Variants in FSCN1 observed in about 807,000 individuals in gnomAD.
FSCN1 encodes fascin.
In FSCN1, 10 loss-of-function variants were observed where a neutral mutation model predicts 39.7. The ratio of observed to expected loss-of-function variants is 0.25; its 90% CI spans 0.16 to 0.43. The LOEUF is 0.43. Ranked by LOEUF, FSCN1 falls within the 20% of genes least tolerant of loss-of-function variation. The pLI is 1.00. For synonymous variants in FSCN1, 322 were observed against 320.0 expected, an observed-to-expected ratio of 1.01 and a Z score of -0.07; for missense variants, 525 against 723.8, an observed-to-expected ratio of 0.73 and a Z score of 3.15.
intron 1 of FSCN1, 26 bp downstream of exon 1, chr7:5,593,794 C>T: frequency 6.9e-7 from 1 of 1,442,838 alleles, no homozygotes; most frequent in South Asian, 1.2e-5. Context: ...GCCCCCGCCT[C>T]TCCTGGTCCG....
intron 1 of FSCN1, among the ~76,000 whole-genome samples, chr7:5,596,504 G>A (rs1469972155): frequency 2.6e-5 from 4 of 152,172 alleles, no homozygotes; most frequent in East Asian, 1.9e-4. Context: ...TTGTCCTCCC[G>A]CCATGCCCCA....
chr7:5,605,408 C>G lies in FSCN1; in HGVS notation c.1416C>G (p.Gly472=). Residue 472 remains glycine (G), a synonymous_variant, in exon 5 of 5, where the codon GGC becomes GGG. Coordinates refer to ENST00000382361, the MANE Select transcript of FSCN1 (RefSeq NM_003088.4). The surrounding 1 kb of genome is among the most constrained non-coding windows in gnomAD (Gnocchi z 6.9). The part of the protein sequence containing the change: ...AIKVGGRYLK[G]DHAGVLKASA... ...AGGTGGGCGGGCGCTACCTGAAGGGCGACCACGCAGGCGTCCTGAAGGCCT... is the reference window on the plus strand; with the variant it reads ...AGGTGGGCGGGCGCTACCTGAAGGGGGACCACGCAGGCGTCCTGAAGGCCT... The G allele has an allele frequency of 6.2e-7, 1 of 1,612,708 alleles. No homozygotes were observed. The highest frequency in any genetic ancestry group is 1.1e-5 in the South Asian group (1 of 90,936).
intron 1 of FSCN1, among the ~76,000 whole-genome samples, chr7:5,600,046 G>A (rs1173310554): frequency 6.6e-6 from 1 of 152,184 alleles, no homozygotes; most frequent in Non-Finnish European, 1.5e-5. Flanking sequence ...TGCTGCTGGA[G>A]CCAAACATCC....
chr7:5,605,656 C>T lies in FSCN1; in HGVS notation c.*182C>T, dbSNP rs529449728. On this transcript the variant is annotated 3_prime_UTR_variant, in exon 5 of 5. Coordinates refer to ENST00000382361, the MANE Select transcript of FSCN1 (RefSeq NM_003088.4). This position sits in a 1 kb window ranked among gnomAD's most constrained non-coding sequence, Gnocchi z 6.9. ...CCTATGGACTCCCCACTCTCCCCTC[C>T]GCCCGGGTTCCCTACTCCCCTCGGG... 36 of 588,674 alleles carry T rather than the reference C, an allele frequency of 6.1e-5. No individual in the cohort carries two copies. Among genetic ancestry groups the T allele is most frequent in the African/African-American group, 5.2e-4 (28 of 53,534 alleles). 36.5% of individuals were successfully genotyped at this position (588,674 alleles called of 1,614,324 possible). A position where few individuals can be genotyped will look rare whatever the true frequency, so the allele number is the denominator to read the frequency against.
At chr7:5,596,864 C>T (rs1204741856) in intron 1 of FSCN1, among the ~76,000 whole-genome samples, 1 of 152,126 alleles carries the variant, frequency 6.6e-6, no homozygotes. Flanking sequence ...TTGCAGGAAT[C>T]GACTGGAAAC....
intron 4 of FSCN1, 88 bp downstream of exon 4, chr7:5,604,118 A>G: frequency 2.3e-6 from 3 of 1,279,760 alleles, no homozygotes; most frequent in Admixed American, 2.0e-5. Flanking sequence ...CTGCATCCAC[A>G]CTGGACCCTG....
At position 5,603,158 on chromosome 7, in the gene FSCN1, T is replaced by C; in HGVS notation, c.833-99T>C. The C allele has an allele frequency of 7.3e-7, 1 of 1,376,516 alleles. No homozygotes were observed. Among genetic ancestry groups the C allele is most frequent in the Non-Finnish European group, 1.0e-6 (1 of 993,372 alleles). 85.3% of individuals were successfully genotyped at this position (1,376,516 alleles called of 1,614,324 possible). A position where few individuals can be genotyped will look rare whatever the true frequency, so the allele number is the denominator to read the frequency against. On this transcript the variant is annotated intron_variant, in intron 1 of 4. Coordinates refer to ENST00000382361, the MANE Select transcript of FSCN1 (RefSeq NM_003088.4). The surrounding 1 kb of genome is among the most constrained non-coding windows in gnomAD (Gnocchi z 8.5). ...CTCGGCCGCCCACCCCACCCCGTGG[T>C]GTTACCTTGCGTGTGTAGTTCTGTG...
intron 1 of FSCN1, among the ~76,000 whole-genome samples, chr7:5,602,148 T>C (rs1640236): frequency 0.14 from 21,870 of 151,090 alleles, 1,578 homozygotes; most frequent in South Asian, 0.17. Context: ...TCGGGTGATC[T>C]GCCTGCCTTG....
rs766098918 is a variant in FSCN1, at chr7:5,604,039, T to C, written c.1279+9T>C. 6 of 1,612,018 alleles carry C rather than the reference T, an allele frequency of 3.7e-6. No individual in the cohort carries two copies. In the South Asian group the frequency reaches 5.5e-5, roughly 15 times the overall value. On this transcript the variant is annotated intron_variant, in intron 4 of 4. Coordinates refer to ENST00000382361, the MANE Select transcript of FSCN1 (RefSeq NM_003088.4). The stretch of plus-strand genomic sequence containing the variant: ...CGCCTACAACATCAAAGGCAGGTTC[T>C]CCTGTGGGCAGCTGCTGGGCAGGGA...
chr7:5,604,289 AAGGAGAGCAGGGAAGGGGAGGG>A, intron 4 of FSCN1, among the ~76,000 whole-genome samples: 1 of 149,488 alleles, frequency 6.7e-6, no homozygotes, highest in East Asian at 2.0e-4. Context: ...CAGGGAGGGG[AAGGAGAGCAGGGAAGGGGAGGG>A]AGGAGAGCAG....
At chr7:5,593,837 G>A in intron 1 of FSCN1, 69 bp downstream of exon 1, 2 of 1,080,008 alleles carry the variant, frequency 1.9e-6, no homozygotes, top group Non-Finnish European at 2.6e-6. Flanking sequence ...CGCCCCTCCA[G>A]CCTCCCGCCC....
In FSCN1 at chr7:5,593,662, G is replaced by A; in HGVS notation, c.726G>A (p.Ala242=). ...APSGPSGTLK[A]GKATKVGKDE... ...CGGGGCCCAGCGGCACGCTCAAGGC[G>A]GGCAAGGCCACCAAGGTGGGCAAGG... Residue 242 remains alanine, a synonymous_variant, in exon 1 of 5, where the codon GCG becomes GCA. Transcript: ENST00000382361. 1.0e-5 allele frequency: 16 copies of A among 1,584,576 alleles called. No individual in the cohort carries two copies. The highest frequency in any genetic ancestry group is 1.4e-5 in the Non-Finnish European group (16 of 1,172,390).
chr7:5,603,117 T>A lies in FSCN1; in HGVS notation c.833-140T>A. 1.2e-6 allele frequency: 1 copy of A among 865,424 alleles called. No individual in the cohort carries two copies. Among genetic ancestry groups the A allele is most frequent in the Non-Finnish European group, 1.8e-6 (1 of 547,638 alleles). The allele number at this position is 865,424 out of a possible 1,614,324, so 53.6% of individuals were successfully genotyped here. A position where few individuals can be genotyped will look rare whatever the true frequency, so the allele number is the denominator to read the frequency against. On this transcript the variant is annotated intron_variant, in intron 1 of 4. Coordinates refer to ENST00000382361, the MANE Select transcript of FSCN1 (RefSeq NM_003088.4). This position sits in a 1 kb window ranked among gnomAD's most constrained non-coding sequence, Gnocchi z 8.5. ...TGGGTGCTCTCTGCTGCTTCTCATG[T>A]GTGCCACTGTGGGGACTCGGCCGCC...
At chr7:5,594,956 C>G (rs1477302834) in intron 1 of FSCN1, 2 of 152,394 alleles carry the variant, frequency 1.3e-5, no homozygotes, top group Non-Finnish European at 2.9e-5. Flanking sequence ...AGATTCTCCC[C>G]GAGGGGCTTT....
Position 5,603,158 on chromosome 7 carries a change from T to G in FSCN1, c.833-99T>G, listed in dbSNP as rs1584303830. On this transcript the variant is annotated intron_variant, in intron 1 of 4. Coordinates refer to ENST00000382361, the MANE Select transcript of FSCN1 (RefSeq NM_003088.4). This position sits in a 1 kb window ranked among gnomAD's most constrained non-coding sequence, Gnocchi z 8.5. ...CTCGGCCGCCCACCCCACCCCGTGG[T>G]GTTACCTTGCGTGTGTAGTTCTGTG... The G allele has an allele frequency of 7.3e-7, 1 of 1,376,518 alleles. No individual in the cohort carries two copies. The highest frequency in any genetic ancestry group is 1.0e-6 in the Non-Finnish European group (1 of 993,374). The allele number at this position is 1,376,518 out of a possible 1,614,324, so 85.3% of individuals were successfully genotyped here. A position where few individuals can be genotyped will look rare whatever the true frequency, so the allele number is the denominator to read the frequency against.
In FSCN1 at chr7:5,601,298, G is replaced by A. The variant is rs191465828; in HGVS notation, c.833-1959G>A. 6.0e-5 allele frequency among the ~76,000 whole-genome samples: 9 copies of A among 149,498 alleles called. No individual in the cohort carries two copies. In the East Asian group the frequency reaches 1.8e-3, roughly 29 times the overall value. ...GCTCACTGCAACCTCTGCCTCCCAG[G>A]TTCAAGTGATTCTCCTGCCTCAGAC... On this transcript the variant is annotated intron_variant, in intron 1 of 4. Transcript: ENST00000382361.
intron 1 of FSCN1, among the ~76,000 whole-genome samples, chr7:5,602,061 C>T (rs1368798874): frequency 6.6e-6 from 1 of 151,716 alleles, no homozygotes; most frequent in Non-Finnish European, 1.5e-5. Flanking sequence ...TCTCCTGCCT[C>T]AGCCTCAGGC....
intron 1 of FSCN1, among the ~76,000 whole-genome samples, chr7:5,601,119 T>C (rs564548399): frequency 5.9e-5 from 9 of 151,386 alleles, no homozygotes; most frequent in Middle Eastern, 3.4e-3. Flanking sequence ...GGACATGGAA[T>C]CATGTAAAGA....
In FSCN1 at chr7:5,593,494, C is replaced by T. The variant is rs763291581; in HGVS notation, c.558C>T (p.Tyr186=). The change falls in exon 1 of 5, where the codon TAC becomes TAT. Residue 186 remains tyrosine, a synonymous_variant. Coordinates refer to ENST00000382361, the MANE Select transcript of FSCN1 (RefSeq NM_003088.4). ...LITLAFQDQR[Y]SVQTADHRFL... is the part of the protein sequence containing the mutation. ...CCCTCGCCTTCCAGGACCAGCGCTA[C>T]AGCGTGCAGACCGCCGACCACCGCT... The T allele has an allele frequency of 1.1e-5, 18 of 1,610,038 alleles. No individual in the cohort carries two copies. The highest frequency in any genetic ancestry group is 1.5e-5 in the Non-Finnish European group (18 of 1,179,412).
Sources: gnomAD v4.1 joint callset for allele counts (sites outside exome capture counted in the v4.1 genomes callset) on GRCh38, gnomAD v4.1.1 for gene constraint, Gnocchi (gnomAD v3.1) non-coding constraint, MANE v1.5 for transcripts, NCBI Gene and HGNC (gene_info 2026-07-23, HGNC 2026-07-21) for gene names.